EXPH5: variants seen among roughly 807,000 people sequenced by gnomAD.
The protein encoded by EXPH5 is exophilin-5.
EXPH5 carries 42 observed loss-of-function variants against 41.1 expected under a neutral mutation model. The ratio of observed to expected loss-of-function variants is 1.02; its 90% CI spans 0.80 to 1.32. The LOEUF (loss-of-function observed/expected upper bound fraction) is 1.32, where lower values mean the gene tolerates loss of function less well. Among genes scored for constraint, EXPH5 ranks in the 40% most tolerant of loss-of-function variants. The pLI, the probability that EXPH5 is intolerant of heterozygous loss-of-function variation, is 0.00. For synonymous variants in EXPH5, 798 were observed against 833.5 expected (o/e 0.96, Z 0.73); for missense variants, 2,298 against 2,314.5 (o/e 0.99, Z 0.15).
At chr11:108,533,095 T>C (rs1004310532) in intron 3 of EXPH5, among the ~76,000 whole-genome samples, 1 of 152,228 alleles carries the variant, frequency 6.6e-6, no homozygotes, top group Admixed American at 6.5e-5. Context: ...CCTCAGATTC[T>C]TCATGATCAT....
At position 108,512,997 on chromosome 11, in the gene EXPH5, T is replaced by A. The variant is rs1261585582; in HGVS notation, c.2510A>T (p.Asn837Ile). Residue 837 changes from asparagine to isoleucine, a missense_variant, in exon 6 of 6, where the codon AAT becomes ATT. Coordinates refer to ENST00000265843, the MANE Select transcript of EXPH5 (RefSeq NM_015065.3). ...QGCHQELTVN[N>I]EDISRIITNN... Reference sequence around the variant, plus strand: ...TGTAATAATTCTTGAAATATCTTCATTATTTACAGTTAATTCCTGGTGACA... The same window carrying A: ...TGTAATAATTCTTGAAATATCTTCAATATTTACAGTTAATTCCTGGTGACA... 1.2e-6 allele frequency: 2 copies of A among 1,613,804 alleles called. No homozygotes were observed. The highest frequency in any genetic ancestry group is 1.7e-6 in the Non-Finnish European group (2 of 1,179,792).
At chr11:108,566,045 T>C (rs1378454455) in intron 1 of EXPH5, among the ~76,000 whole-genome samples, 1 of 152,200 alleles carries the variant, frequency 6.6e-6, no homozygotes, top group Admixed American at 6.5e-5. Context: ...ACTAGGAAAT[T>C]CAGGATCTAT....
At chr11:108,572,374 C>G (rs1303115196) in intron 1 of EXPH5, among the ~76,000 whole-genome samples, 2 of 150,442 alleles carry the variant, frequency 1.3e-5, no homozygotes, top group African/African-American at 2.4e-5. Context: ...TGCTTTTTAT[C>G]TCTGTGGAAC....
intron 1 of EXPH5, among the ~76,000 whole-genome samples, chr11:108,559,171 C>T (rs1403440838): frequency 2.0e-5 from 3 of 152,172 alleles, no homozygotes; most frequent in Admixed American, 6.5e-5. Context: ...ATTGTCAGCT[C>T]CCCAAGTCAA....
rs2093911410 is a variant in EXPH5 at position 108,541,284 on chromosome 11, A to G, written c.280+368T>C. Among the ~76,000 whole-genome samples, 4 of 152,172 alleles carry G rather than the reference A, an allele frequency of 2.6e-5. No homozygotes were observed. In the South Asian group the frequency reaches 8.3e-4, roughly 32 times the overall value. On this transcript the variant is annotated intron_variant, in intron 2 of 5. Transcript: ENST00000265843. The stretch of plus-strand genomic sequence containing the variant: ...ATGAGGTGTAGGTATCATTGCATTC[A>G]TTTAAAGATGAAGCAACTGAGGTTT...
At position 108,513,826 on chromosome 11, in the gene EXPH5, C is replaced by T. The variant is rs1214131289; in HGVS notation, c.1681G>A (p.Asp561Asn). ...TTACCATGTGATACCACCATGCTAT[C>T]CAGTGTGGATCTCTGAAAATCAAAC... Reference protein sequence around the residue: ...WQFDFQRSTLDSMVVSHGNET... With the variant: ...WQFDFQRSTLNSMVVSHGNET... The change falls in exon 6 of 6, where the codon GAT (aspartate) becomes AAT (asparagine). Residue 561 changes from aspartate (D) to asparagine (N), a missense_variant. By Grantham distance (23) the Asp-to-Asn change is conservative. Transcript: ENST00000265843. 2.5e-6 allele frequency: 4 copies of T among 1,607,534 alleles called. No homozygotes were observed. The East Asian group carries it at 6.7e-5, about 27-fold the overall frequency.
rs1280808316 is a variant in EXPH5, at chr11:108,514,457, G to A, written c.1050C>T (p.Ser350=). The A allele has an allele frequency of 6.2e-7, 1 of 1,613,788 alleles. No individual in the cohort carries two copies. Among genetic ancestry groups the A allele is most frequent in the Non-Finnish European group, 8.5e-7 (1 of 1,179,862 alleles). Residue 350 remains serine, a synonymous_variant, in exon 6 of 6, where the codon AGC becomes AGT. Coordinates refer to ENST00000265843, the MANE Select transcript of EXPH5 (RefSeq NM_015065.3). The stretch of plus-strand genomic sequence containing the variant: ...GCCTTGGTGGTATAAACCCACTCTT[G>A]CTCTGAGTTGTGGCTGGAAAATGTA... The part of the protein sequence containing the change: ...RSLHFPATTQ[S]KSGFIPPRHQ...
chr11:108,545,326 G>A (rs1384755187), intron 1 of EXPH5, among the ~76,000 whole-genome samples: 2 of 152,064 alleles, frequency 1.3e-5, no homozygotes, highest in Non-Finnish European at 2.9e-5. Flanking sequence ...AGGTATATAT[G>A]TAATATTCAA....
At chr11:108,537,161 C>T (rs931171720) in intron 3 of EXPH5, among the ~76,000 whole-genome samples, 9 of 152,178 alleles carry the variant, frequency 5.9e-5, no homozygotes, top group Non-Finnish European at 1.2e-4. Context: ...TATCACCTGT[C>T]GTAATACAAT....
chr11:108,521,353 G>A (rs1850785386), intron 4 of EXPH5, among the ~76,000 whole-genome samples: 1 of 151,960 alleles, frequency 6.6e-6, no homozygotes, highest in South Asian at 2.1e-4. Context: ...CTTTCTCAAG[G>A]TCTAGGTCAG....
At chr11:108,515,074 T>C (rs369630733) in intron 5 of EXPH5, among the ~76,000 whole-genome samples, 199 bp from the exon 6 acceptor site, 16 of 152,252 alleles carry the variant, frequency 1.1e-4, no homozygotes, top group African/African-American at 3.9e-4. Context: ...ATTTCTTTCC[T>C]ACTTTTTCAA....
At chr11:108,545,013 TA>T (rs1473831831) in intron 1 of EXPH5, among the ~76,000 whole-genome samples, 3 of 151,622 alleles carry the variant, frequency 2.0e-5, no homozygotes, top group East Asian at 3.9e-4. Context: ...ACTTTTCCAT[TA>T]TTTTTTTTTT....
intron 1 of EXPH5, among the ~76,000 whole-genome samples, chr11:108,552,892 G>C (rs940431832): frequency 2.0e-5 from 3 of 152,064 alleles, no homozygotes; most frequent in Non-Finnish European, 4.4e-5. Flanking sequence ...ATCCAGCCTG[G>C]GTGAAAGAAA....
chr11:108,563,835 G>A (rs2094023232), intron 1 of EXPH5, among the ~76,000 whole-genome samples: 2 of 152,208 alleles, frequency 1.3e-5, no homozygotes, highest in African/African-American at 4.8e-5. Flanking sequence ...GCAAGCGGTG[G>A]CTGTGTGAGG....
chr11:108,532,362 ATATATTTTTTTTTTTTTTT>A (rs1225591895), intron 3 of EXPH5, among the ~76,000 whole-genome samples: 5 of 20,146 alleles, frequency 2.5e-4, no homozygotes, highest in African/African-American at 1.9e-3. Flanking sequence ...ATATATATAT[ATATATTTTTTTTTTTTTTT>A]TTTTTTTTTT....
chr11:108,593,369 C>A (rs1287337396), intron 1 of EXPH5, 49 bp downstream of exon 1: 2 of 1,531,546 alleles, frequency 1.3e-6, no homozygotes, highest in South Asian at 1.1e-5. Flanking sequence ...GGATCCCCGG[C>A]CCCTGCGGGA....
At chr11:108,557,793 T>C (rs1179168153) in intron 1 of EXPH5, among the ~76,000 whole-genome samples, 1 of 152,220 alleles carries the variant, frequency 6.6e-6, no homozygotes, top group East Asian at 1.9e-4. Flanking sequence ...TCTGGAAAGA[T>C]GTCTGACTTA....
At chr11:108,527,398 GGA>G (rs140424664) in intron 4 of EXPH5, among the ~76,000 whole-genome samples, 15 of 149,790 alleles carry the variant, frequency 1.0e-4, no homozygotes, top group African/African-American at 1.2e-4. Context: ...AGAGAGGGAG[GGA>G]GAGAGAGAGA....
intron 3 of EXPH5, among the ~76,000 whole-genome samples, chr11:108,535,122 G>T (rs2093871098): frequency 6.6e-6 from 1 of 152,124 alleles, no homozygotes; most frequent in African/African-American, 2.4e-5. Context: ...TACCAGAGTG[G>T]GAGGAAGCTA....
Sources: gnomAD v4.1 joint callset for allele counts (sites outside exome capture counted in the v4.1 genomes callset) on GRCh38, gnomAD v4.1.1 for gene constraint, MANE v1.5 for transcripts, NCBI Gene and HGNC (gene_info 2026-07-23, HGNC 2026-07-21) for gene names.